TMEM132C: variants seen among roughly 807,000 people sequenced by gnomAD.
TMEM132C encodes the protein protein phosphatase 1, regulatory subunit 152.
In TMEM132C, 29 loss-of-function variants were observed where a neutral mutation model predicts 61.4. The observed-to-expected ratio is 0.47, with a 90% confidence interval of 0.35 to 0.64. The LOEUF (loss-of-function observed/expected upper bound fraction) is 0.64. TMEM132C is among the 30% of genes least tolerant of loss of function. The probability of loss-of-function intolerance (pLI) is 0.00; values close to 1 mark genes in which losing one functional copy is unlikely to be tolerated. For synonymous variants in TMEM132C, 656 were observed against 633.1 expected, an observed-to-expected ratio of 1.04 and a Z score of -0.54; for missense variants, 1,408 against 1,476.9, an observed-to-expected ratio of 0.95 and a Z score of 0.76.
At chr12:128,702,699 G>C (rs1404517695) in intron 8 of TMEM132C, among the ~76,000 whole-genome samples, 1 of 152,212 alleles carries the variant, frequency 6.6e-6, no homozygotes, top group Non-Finnish European at 1.5e-5. Flanking sequence ...ATACCACAGA[G>C]GTAGTTATCC....
intron 4 of TMEM132C, among the ~76,000 whole-genome samples, chr12:128,658,420 T>C (rs1954350847): frequency 6.6e-6 from 1 of 152,204 alleles, no homozygotes; most frequent in Admixed American, 6.5e-5. Context: ...ACGTGAGCGG[T>C]GTGCCTTCCC....
intron 2 of TMEM132C, among the ~76,000 whole-genome samples, chr12:128,507,410 T>A (rs1872406755): frequency 6.7e-6 from 1 of 149,040 alleles, no homozygotes; most frequent in African/African-American, 2.5e-5. Context: ...TTCTTTTTTT[T>A]TTTTTTTTTT....
chr12:128,500,088 C>G (rs1194369118), intron 2 of TMEM132C, among the ~76,000 whole-genome samples: 1 of 152,148 alleles, frequency 6.6e-6, no homozygotes, highest in African/African-American at 2.4e-5. Context: ...GAGTGAGTGT[C>G]AAGACAATTC....
At chr12:128,432,719 T>C (rs1869434968) in intron 2 of TMEM132C, among the ~76,000 whole-genome samples, 2 of 152,194 alleles carry the variant, frequency 1.3e-5, no homozygotes, top group Admixed American at 1.3e-4. Flanking sequence ...ATTGTCAAAA[T>C]GACAATAAAA....
chr12:128,588,532 T>C (rs890583514), intron 3 of TMEM132C, among the ~76,000 whole-genome samples: 5 of 152,202 alleles, frequency 3.3e-5, no homozygotes, highest in African/African-American at 1.2e-4. Flanking sequence ...TAGTTGGGAA[T>C]CGCCATGGGT....
At chr12:128,573,104 A>G (rs1165702539) in intron 3 of TMEM132C, among the ~76,000 whole-genome samples, 2 of 152,234 alleles carry the variant, frequency 1.3e-5, no homozygotes. Flanking sequence ...ATTACTGGGT[A>G]TATACCCAAA....
At chr12:128,330,993 G>A (rs1304400709) in intron 1 of TMEM132C, among the ~76,000 whole-genome samples, 8 of 152,178 alleles carry the variant, frequency 5.3e-5, no homozygotes, top group Admixed American at 1.3e-4. Context: ...CATCCTGTTT[G>A]TGTCAGATTT....
At chr12:128,469,889 TACAC>T (rs1305241382) in intron 2 of TMEM132C, among the ~76,000 whole-genome samples, 1 of 152,104 alleles carries the variant, frequency 6.6e-6, no homozygotes, top group Non-Finnish European at 1.5e-5. Context: ...CATATGTATA[TACAC>T]ACACATAAAT....
At chr12:128,307,104 G>T (rs1871809944) in intron 1 of TMEM132C, among the ~76,000 whole-genome samples, 1 of 152,104 alleles carries the variant, frequency 6.6e-6, no homozygotes, top group Non-Finnish European at 1.5e-5. Flanking sequence ...TCTTTGGCAA[G>T]AGTTCAGTTT....
chr12:128,583,560 A>G (rs953520688), intron 3 of TMEM132C, among the ~76,000 whole-genome samples: 2 of 152,292 alleles, frequency 1.3e-5, no homozygotes, highest in Non-Finnish European at 2.9e-5. Flanking sequence ...GATGCTGGGA[A>G]CAGGGAAGAC....
rs376800150 is a variant in TMEM132C at position 128,314,571 on chromosome 12, T to A, written c.85+47084T>A. ...GAAATAGAGTCATTGCAGATATAATTAGTTGAGTTTCAATGAGGACATACT... is the reference window on the plus strand; with the variant it reads ...GAAATAGAGTCATTGCAGATATAATAAGTTGAGTTTCAATGAGGACATACT... On this transcript the variant is annotated intron_variant, in intron 1 of 8. Transcript: ENST00000435159. Among the ~76,000 whole-genome samples the A allele has an allele frequency of 2.0e-5, 3 of 152,046 alleles. No individual in the cohort carries two copies. In the East Asian group the frequency reaches 5.8e-4, roughly 29 times the overall value.
chr12:128,399,205 A>T (rs7300598), intron 1 of TMEM132C, among the ~76,000 whole-genome samples: 11,521 of 152,222 alleles, frequency 0.076, 1,456 homozygotes, highest in African/African-American at 0.26. Context: ...ACAAGTTTTT[A>T]AAAATTATCT....
At chr12:128,280,563 C>T (rs533247373) in intron 1 of TMEM132C, among the ~76,000 whole-genome samples, 21 of 152,182 alleles carry the variant, frequency 1.4e-4, no homozygotes, top group East Asian at 3.9e-4. Flanking sequence ...ATAATGGGGA[C>T]GGACTACTAA....
At chr12:128,275,377 C>T (rs985080847) in intron 1 of TMEM132C, among the ~76,000 whole-genome samples, 6 of 152,246 alleles carry the variant, frequency 3.9e-5, no homozygotes, top group African/African-American at 9.6e-5. Context: ...ACTGTGCATG[C>T]GAGGGGCCTA....
intron 2 of TMEM132C, among the ~76,000 whole-genome samples, chr12:128,456,366 C>CTTTTTTT (rs554652054): frequency 1.9e-5 from 1 of 52,498 alleles, no homozygotes; most frequent in Non-Finnish European, 4.0e-5. Context: ...TCTGATTAGC[C>CTTTTTTT]TTTTTTTTTT....
chr12:128,411,286 C>A (rs1482368698), intron 1 of TMEM132C, among the ~76,000 whole-genome samples: 2 of 152,152 alleles, frequency 1.3e-5, no homozygotes, highest in African/African-American at 2.4e-5. Context: ...ACTCATGAAA[C>A]CCTCACCGGA....
intron 2 of TMEM132C, among the ~76,000 whole-genome samples, chr12:128,480,071 G>A (rs1871272487): frequency 6.6e-6 from 1 of 152,114 alleles, no homozygotes; most frequent in Non-Finnish European, 1.5e-5. Flanking sequence ...CAGCCTGGGC[G>A]ATGTAGTGGG....
At position 128,414,866 on chromosome 12, in the gene TMEM132C, A is replaced by T. The variant is rs565112858; in HGVS notation, c.220A>T (p.Asn74Tyr). ...LKEANQDLLR[N>Y]SSLQARVESF... ...GGAAGCCAACCAGGACCTGCTGCGG[A>T]ACTCCAGCCTGCAGGCGAGGGTGGA... The change falls in exon 2 of 9, where the codon AAC becomes TAC. Residue 74 changes from asparagine to tyrosine, a missense_variant. Asn to Tyr is a moderately radical substitution (Grantham distance 143, BLOSUM62 -2). Transcript: ENST00000435159. 1 of 1,551,240 alleles carries T rather than the reference A, an allele frequency of 6.4e-7. No homozygotes were observed. The highest frequency in any genetic ancestry group is 8.7e-7 in the Non-Finnish European group (1 of 1,147,116).
chr12:128,348,770 T>G (rs1010372119), intron 1 of TMEM132C, among the ~76,000 whole-genome samples: 1 of 152,242 alleles, frequency 6.6e-6, no homozygotes, highest in Non-Finnish European at 1.5e-5. Flanking sequence ...ATTTATTTCC[T>G]AAAAGTAAAT....
Sources: allele counts gnomAD v4.1 joint callset (sites outside exome capture counted in the v4.1 genomes callset), GRCh38; gene constraint gnomAD v4.1.1; transcripts MANE v1.5; gene names NCBI Gene and HGNC (gene_info 2026-07-23, HGNC 2026-07-21).